GALNT13: variants seen among roughly 807,000 people sequenced by gnomAD.
The protein encoded by GALNT13 is UDP-GalNAc:polypeptide N-acetylgalactosaminyltransferase 13.
A neutral mutation model predicts 64.2 loss-of-function variants in GALNT13; 28 were observed. The ratio of observed to expected loss-of-function variants is 0.44; its 90% CI spans 0.32 to 0.60. The LOEUF is 0.60. GALNT13 is among the 20% of genes least tolerant of loss of function. GALNT13 has a pLI of 0.05. For synonymous variants in GALNT13, 214 were observed against 224.6 expected (o/e 0.95, Z 0.42); for missense variants, 577 against 669.8 (o/e 0.86, Z 1.53).
chr2:153,633,069 T>A, the GALNT13 span, among the ~76,000 whole-genome samples: 2 of 152,136 alleles, frequency 1.3e-5, no homozygotes, highest in Admixed American at 6.6e-5. Flanking sequence ...CGCCATCTAT[T>A]TTTATATTAA....
At chr2:153,822,393 A>T in the GALNT13 span, among the ~76,000 whole-genome samples, 1 of 152,182 alleles carries the variant, frequency 6.6e-6, no homozygotes. Context: ...ACAATAAAGT[A>T]GGCTTTATTC....
chr2:153,955,899 C>T (rs1018498449), intron 3 of GALNT13, among the ~76,000 whole-genome samples: 5 of 152,080 alleles, frequency 3.3e-5, no homozygotes, highest in Admixed American at 2.0e-4. Context: ...CCAAGGGACA[C>T]GATGGACCCA....
the GALNT13 span, among the ~76,000 whole-genome samples, chr2:153,253,365 T>G: frequency 8.1e-6 from 1 of 123,134 alleles, no homozygotes; most frequent in Admixed American, 8.1e-5. Flanking sequence ...AAGGAGATTT[T>G]GGGCTGAGAC....
the GALNT13 span, among the ~76,000 whole-genome samples, chr2:153,362,521 G>A: frequency 2.3e-5 from 3 of 132,724 alleles, no homozygotes; most frequent in East Asian, 4.9e-4. Flanking sequence ...AAATTATACG[G>A]ATGGAGGAAT....
intron 8 of GALNT13, among the ~76,000 whole-genome samples, chr2:154,298,417 A>AT (rs1559074965): frequency 1.5e-4 from 18 of 123,440 alleles, no homozygotes; most frequent in South Asian, 2.8e-4. Context: ...TTTATATATA[A>AT]ATATATATGA....
chr2:153,473,420 A>G, the GALNT13 span, among the ~76,000 whole-genome samples: 11 of 152,310 alleles, frequency 7.2e-5, no homozygotes, highest in East Asian at 2.1e-3. Flanking sequence ...TAAACATTTA[A>G]AACAACACAA....
chr2:154,168,709 G>A (rs1191998465), intron 4 of GALNT13, among the ~76,000 whole-genome samples: 2 of 151,296 alleles, frequency 1.3e-5, no homozygotes, highest in Non-Finnish European at 2.9e-5. Flanking sequence ...CAAGCATGGT[G>A]GTGGGTGCCT....
the GALNT13 span, among the ~76,000 whole-genome samples, chr2:153,754,809 G>T: frequency 6.6e-6 from 1 of 152,036 alleles, no homozygotes. Context: ...TCAGAGCCCC[G>T]GAGGAGAGCT....
At chr2:153,627,055 A>G in the GALNT13 span, among the ~76,000 whole-genome samples, 2 of 152,120 alleles carry the variant, frequency 1.3e-5, no homozygotes, top group African/African-American at 4.8e-5. Flanking sequence ...GAATAAGTGC[A>G]GCATTTTTCT....
intron 3 of GALNT13, among the ~76,000 whole-genome samples, chr2:154,038,017 A>C (rs1399934469): frequency 6.6e-6 from 1 of 152,084 alleles, no homozygotes; most frequent in African/African-American, 2.4e-5. Flanking sequence ...GCCTGGTGTC[A>C]TGCACCTGTA....
chr2:153,703,320 CATTT>C, the GALNT13 span, among the ~76,000 whole-genome samples: 17 of 152,136 alleles, frequency 1.1e-4, no homozygotes, highest in African/African-American at 3.9e-4. Context: ...TACTGTATCT[CATTT>C]ATTTAATATT....
the GALNT13 span, among the ~76,000 whole-genome samples, chr2:153,249,755 T>G: frequency 6.6e-6 from 1 of 151,878 alleles, no homozygotes; most frequent in Non-Finnish European, 1.5e-5. Flanking sequence ...TCAACAAAAA[T>G]GACAAAAACA....
chr2:153,187,852 A>G, the GALNT13 span, among the ~76,000 whole-genome samples: 1 of 152,300 alleles, frequency 6.6e-6, no homozygotes, highest in Admixed American at 6.5e-5. Context: ...ATTAACATAC[A>G]AAACTTAACA....
chr2:154,246,850 A>T (rs1462316710), intron 7 of GALNT13, among the ~76,000 whole-genome samples: 2 of 151,994 alleles, frequency 1.3e-5, no homozygotes, highest in Non-Finnish European at 2.9e-5. Flanking sequence ...CACTGTCATC[A>T]ATCTTATAAT....
chr2:153,867,967 G>A (rs1320060283), upstream of GALNT13, among the ~76,000 whole-genome samples: 2 of 152,150 alleles, frequency 1.3e-5, no homozygotes, highest in African/African-American at 2.4e-5. Flanking sequence ...GTTCCTAACA[G>A]GCCATGGACT....
the GALNT13 span, among the ~76,000 whole-genome samples, chr2:153,611,138 C>T: frequency 6.6e-6 from 1 of 152,066 alleles, no homozygotes; most frequent in Non-Finnish European, 1.5e-5. Flanking sequence ...AAAGTTAACT[C>T]TCTAAGTTGT....
chr2:153,125,085 G>A, the GALNT13 span, among the ~76,000 whole-genome samples: 15 of 152,116 alleles, frequency 9.9e-5, no homozygotes, highest in Non-Finnish European at 1.5e-4. Flanking sequence ...AAAAATATAA[G>A]TATATACCAT....
the GALNT13 span, among the ~76,000 whole-genome samples, chr2:153,442,706 G>T: frequency 2.0e-5 from 3 of 152,178 alleles, no homozygotes; most frequent in Admixed American, 6.5e-5. Flanking sequence ...ATAAGCCCCT[G>T]ACTGGGGCTA....
chr2:153,325,121 T>TTTTGTTTTTG, the GALNT13 span, among the ~76,000 whole-genome samples: 16 of 141,842 alleles, frequency 1.1e-4, no homozygotes, highest in East Asian at 1.8e-3. Context: ...TGGGTTTTTT[T>TTTTGTTTTTG]TTTTTTTTTT....
Sources: gnomAD v4.1 joint callset for allele counts (sites outside exome capture counted in the v4.1 genomes callset) on GRCh38, gnomAD v4.1.1 for gene constraint, MANE v1.5 for transcripts, NCBI Gene and HGNC (gene_info 2026-07-23, HGNC 2026-07-21) for gene names.